Variants in MAD1L1 observed in about 807,000 individuals in gnomAD.
The protein encoded by MAD1L1 is mitotic spindle assembly checkpoint protein MAD1.
In MAD1L1, 95 loss-of-function variants were observed where a neutral mutation model predicts 96.9. That is an observed-to-expected ratio of 0.98 (90% CI 0.83 to 1.16). MAD1L1 has a LOEUF of 1.16. Ranked by LOEUF, MAD1L1 falls within the 50% of genes most tolerant of loss-of-function variation. MAD1L1 has a pLI of 0.00. For synonymous variants in MAD1L1, 473 were observed against 396.6 expected (o/e 1.19, Z -2.29); for missense variants, 1,007 against 954.4 (o/e 1.06, Z -0.73).
At position 1,850,533 on chromosome 7, in the gene MAD1L1, G is replaced by T. The variant is rs1783911884; in HGVS notation, c.1999-34305C>A. On this transcript the variant is annotated intron_variant, in intron 18 of 18. Transcript: ENST00000265854. ...CAGACGGTGGGTCAGGGCCTGGGCA[G>T]ATGATCTCACTGCCCCGAGCCTGTG... Among the ~76,000 whole-genome samples the T allele has an allele frequency of 2.0e-5, 3 of 152,230 alleles. No individual in the cohort carries two copies. The South Asian group carries it at 6.2e-4, about 31-fold the overall frequency.
chr7:1,957,931 C>T (rs866398521), intron 15 of MAD1L1, among the ~76,000 whole-genome samples: 56 of 152,206 alleles, frequency 3.7e-4, no homozygotes, highest in African/African-American at 1.3e-3. Context: ...TCCGTGGCGG[C>T]CCCTGCTCAG....
intron 11 of MAD1L1, among the ~76,000 whole-genome samples, chr7:2,076,900 G>C (rs186866744): frequency 6.7e-6 from 1 of 148,520 alleles, no homozygotes; most frequent in South Asian, 2.2e-4. Context: ...ACAGGGTTAC[G>C]ACATAGTGAG....
intron 11 of MAD1L1, among the ~76,000 whole-genome samples, chr7:2,136,444 A>C (rs946856118): frequency 6.6e-5 from 10 of 152,224 alleles, no homozygotes; most frequent in Non-Finnish European, 1.5e-4. Flanking sequence ...CCTGGTACCC[A>C]CAGGTGCCTA....
chr7:2,058,484 A>C (rs1584215644), intron 12 of MAD1L1, among the ~76,000 whole-genome samples: 1 of 67,758 alleles, frequency 1.5e-5, no homozygotes, highest in African/African-American at 6.0e-5. Context: ...AGAGGAGAGA[A>C]GCAGGGCTGG....
At chr7:2,092,437 T>C (rs142484440) in intron 11 of MAD1L1, among the ~76,000 whole-genome samples, 49 of 152,014 alleles carry the variant, frequency 3.2e-4, no homozygotes, top group Non-Finnish European at 6.2e-4. Context: ...GCATCCTCCC[T>C]CACGCATCTG....
intron 15 of MAD1L1, among the ~76,000 whole-genome samples, chr7:1,969,365 G>C (rs956709823): frequency 1.3e-5 from 2 of 152,104 alleles, no homozygotes; most frequent in African/African-American, 2.4e-5. Flanking sequence ...CTGGGTGACA[G>C]AGCGAAACTC....
chr7:1,851,522 G>C (rs1467725857), intron 18 of MAD1L1, among the ~76,000 whole-genome samples: 2 of 152,302 alleles, frequency 1.3e-5, no homozygotes, highest in African/African-American at 4.8e-5. Flanking sequence ...AGAGGAATCT[G>C]CTCGGGGCCC....
chr7:2,123,210 CAGG>C (rs1408106495), intron 11 of MAD1L1, among the ~76,000 whole-genome samples: 3 of 149,810 alleles, frequency 2.0e-5, no homozygotes, highest in African/African-American at 7.4e-5. Flanking sequence ...GGCTGAGAGG[CAGG>C]AGAATGGCAT....
chr7:2,090,676 GC>G (rs1011850795), intron 11 of MAD1L1, among the ~76,000 whole-genome samples: 6 of 152,190 alleles, frequency 3.9e-5, no homozygotes, highest in African/African-American at 1.4e-4. Context: ...GCCCAGGCAG[GC>G]CCCCCGCAGG....
intron 11 of MAD1L1, among the ~76,000 whole-genome samples, chr7:2,096,663 A>C (rs73034434): frequency 0.027 from 4,109 of 152,232 alleles, 96 homozygotes; most frequent in South Asian, 0.09. Context: ...GACAGGAGGA[A>C]CGAGGCCAGA....
intron 12 of MAD1L1, among the ~76,000 whole-genome samples, chr7:2,055,218 G>A (rs149448840): frequency 1.1e-3 from 163 of 152,266 alleles, no homozygotes; most frequent in African/African-American, 3.7e-3. Flanking sequence ...ATGAGCACAC[G>A]CCAGGACGTG....
intron 14 of MAD1L1, among the ~76,000 whole-genome samples, chr7:1,992,313 C>T (rs116381295): frequency 0.013 from 2,048 of 151,942 alleles, 38 homozygotes; most frequent in African/African-American, 0.046. Flanking sequence ...ATGTGGCTTC[C>T]AAGGGCTCCA....
At chr7:1,887,669 G>A (rs1786170532) in intron 18 of MAD1L1, among the ~76,000 whole-genome samples, 1 of 150,150 alleles carries the variant, frequency 6.7e-6, no homozygotes, top group Admixed American at 6.7e-5. Context: ...GCATGTGTGT[G>A]TGAGCATGAA....
chr7:2,064,036 G>C (rs956227805), intron 12 of MAD1L1, among the ~76,000 whole-genome samples: 1 of 152,200 alleles, frequency 6.6e-6, no homozygotes, highest in African/African-American at 2.4e-5. Context: ...CGGCTCCACA[G>C]ATGACACTGA....
intron 11 of MAD1L1, among the ~76,000 whole-genome samples, chr7:2,129,683 C>G (rs1027354845): frequency 6.6e-6 from 1 of 152,222 alleles, no homozygotes; most frequent in Admixed American, 6.5e-5. Flanking sequence ...CAGCTGGACA[C>G]GCAGGCTCGA....
At chr7:2,168,608 T>C (rs187127989) in intron 10 of MAD1L1, among the ~76,000 whole-genome samples, 1 of 152,362 alleles carries the variant, frequency 6.6e-6, no homozygotes, top group East Asian at 1.9e-4. Flanking sequence ...TCCTGATCTG[T>C]GATTCTCCTT....
intron 5 of MAD1L1, chr7:2,220,958 C>G: frequency 6.2e-7 from 1 of 1,612,364 alleles, no homozygotes; most frequent in Non-Finnish European, 8.5e-7. Flanking sequence ...TAGGGGACGC[C>G]GGACAGTTGG....
intron 18 of MAD1L1, among the ~76,000 whole-genome samples, chr7:1,875,007 C>T (rs1007667058): frequency 6.6e-6 from 1 of 152,156 alleles, no homozygotes; most frequent in Non-Finnish European, 1.5e-5. Context: ...CAAGGGCCTC[C>T]TTCCCCTCTG....
At chr7:2,077,074 ACAGAG>A (rs879471160) in intron 11 of MAD1L1, among the ~76,000 whole-genome samples, 6,883 of 150,844 alleles carry the variant, frequency 0.046, 261 homozygotes, top group African/African-American at 0.096. Context: ...TGAGCCCAAG[ACAGAG>A]TTACGACTTG....
Sources: gnomAD v4.1 joint callset for allele counts (sites outside exome capture counted in the v4.1 genomes callset) on GRCh38, gnomAD v4.1.1 for gene constraint, MANE v1.5 for transcripts, NCBI Gene and HGNC (gene_info 2026-07-23, HGNC 2026-07-21) for gene names.